ASPM: variants seen among roughly 807,000 people sequenced by gnomAD.
ASPM encodes the protein abnormal spindle-like microcephaly-associated protein.
Under a neutral mutation model 366.4 loss-of-function variants are expected in ASPM, and 256 were observed. The ratio of observed to expected loss-of-function variants is 0.70; its 90% CI spans 0.63 to 0.77. The LOEUF is 0.77. Ranked by LOEUF, ASPM falls within the 30% of genes least tolerant of loss-of-function variation. The probability of loss-of-function intolerance (pLI) is 0.00; values close to 1 mark genes in which losing one functional copy is unlikely to be tolerated. For missense variants in ASPM, 4,146 were observed against 4,090.4 expected (o/e 1.01, Z -0.37); for synonymous variants, 1,414 against 1,342.9 (o/e 1.05, Z -1.16).
chr1:197,131,863 A>G (rs1466386104), intron 7 of ASPM, among the ~76,000 whole-genome samples: 49 of 152,106 alleles, frequency 3.2e-4, no homozygotes, highest in Admixed American at 3.2e-3. Flanking sequence ...TGGCCAGGGC[A>G]AGTCACTTTA....
intron 13 of ASPM, 44 bp downstream of exon 13, chr1:197,124,066 T>G: frequency 1.3e-6 from 2 of 1,503,162 alleles, no homozygotes; most frequent in East Asian, 4.6e-5. Flanking sequence ...TCATCAAAAT[T>G]TATTAAAATA....
In ASPM at chr1:197,101,576, C is replaced by G. The variant is rs773936558; in HGVS notation, c.7675G>C (p.Val2559Leu). Reference sequence around the variant, plus strand: ...TACATTCTGTAGGTGCTTTGTATTACGATAGAAGCTTTGTGTTTTTCCCTT... The same window carrying G: ...TACATTCTGTAGGTGCTTTGTATTAGGATAGAAGCTTTGTGTTTTTCCCTT... ...LLREKHKASI[V>L]IQSTYRMYRQ... The change falls in exon 18 of 28, where the codon GTA becomes CTA. Residue 2559 changes from valine to leucine, a missense_variant. Val to Leu is a conservative substitution (Grantham distance 32). Around this residue, in one of 3 missense-constraint regions of ASPM, gnomAD observed 3,624 missense variants for 3,591.7 expected, o/e 1.01. Transcript: ENST00000367409. 1.2e-5 allele frequency: 19 copies of G among 1,609,568 alleles called. No individual in the cohort carries two copies. The highest frequency in any genetic ancestry group is 1.6e-5 in the Non-Finnish European group (19 of 1,178,940).
chr1:197,088,416 G>T lies in ASPM; in HGVS notation c.10001C>A (p.Ser3334Ter). Residue 3334 changes from serine (S) to a stop codon, truncating the protein, a stop_gained, in exon 26 of 28, where the codon TCA becomes TAA. Transcript: ENST00000367409. LOFTEE classifies it high-confidence loss of function. ...ACAATTTTCTACATCATAAACTGCT[G>T]AAGTAGTTTTCTCATACTTGAAGAG... ...LNVSKYEKTTSAVYDVENCID... is the reference protein window; with the variant it reads ...LNVSKYEKTT 1 of 1,602,890 alleles carries T rather than the reference G, an allele frequency of 6.2e-7. No individual in the cohort carries two copies. The highest frequency in any genetic ancestry group is 8.5e-7 in the Non-Finnish European group (1 of 1,171,616).
chr1:197,085,112 G>A (rs1489190652), intron 27 of ASPM, among the ~76,000 whole-genome samples: 1 of 152,084 alleles, frequency 6.6e-6, no homozygotes, highest in Non-Finnish European at 1.5e-5. Context: ...GCCATTAACT[G>A]TTGTCTCTCT....
chr1:197,102,651 G>A lies in ASPM; in HGVS notation c.6600C>T (p.Tyr2200=). The change falls in exon 18 of 28, where the codon TAC becomes TAT. Residue 2200 remains tyrosine, a synonymous_variant. Transcript: ENST00000367409. ...QTAATLIQSN[Y]RRYRQQTYFN... is the part of the protein sequence containing the mutation. Reference sequence around the variant, plus strand: ...AGTATGTTTGCTGTCTGTATCTTCTGTAGTTTGACTGAATGAGTGTTGCTG... The same window carrying A: ...AGTATGTTTGCTGTCTGTATCTTCTATAGTTTGACTGAATGAGTGTTGCTG... 1 of 1,612,566 alleles carries A rather than the reference G, an allele frequency of 6.2e-7. No individual in the cohort carries two copies.
At position 197,103,534 on chromosome 1, in the gene ASPM, G is replaced by A; in HGVS notation, c.5717C>T (p.Ser1906Phe). ...CTGGGCCTTGGCCATTCTAAAAGCA[G>A]ACTGAATCTTCAAGGCAGCTTGATG... ...REHQAALKIQ[S>F]AFRMAKAQKQ... Residue 1906 changes from serine (S) to phenylalanine (F), a missense_variant, in exon 18 of 28, where the codon TCT becomes TTT. Ser to Phe is a radical substitution (Grantham distance 155). Transcript: ENST00000367409. The A allele has an allele frequency of 6.2e-7, 1 of 1,613,158 alleles. No individual in the cohort carries two copies. Among genetic ancestry groups the A allele is most frequent in the Non-Finnish European group, 8.5e-7 (1 of 1,179,502 alleles).
Position 197,104,666 on chromosome 1 carries a change from T to C in ASPM, c.4585A>G (p.Ile1529Val). 6.2e-7 allele frequency: 1 copy of C among 1,613,194 alleles called. No homozygotes were observed. The highest frequency in any genetic ancestry group is 8.5e-7 in the Non-Finnish European group (1 of 1,179,470). The change falls in exon 18 of 28, where the codon ATT becomes GTT. Residue 1529 changes from isoleucine to valine, a missense_variant. Around this residue, in one of 3 missense-constraint regions of ASPM, gnomAD observed 3,624 missense variants for 3,591.7 expected, o/e 1.01. Transcript: ENST00000367409. ...TTCTGCAAATAGTTGGTGCGCTCAA[T>C]CTTTCCTTTCAGATATGCTTTGTAG... ...KYYKAYLKGKIERTNYLQKRA... is the reference protein window; with the variant it reads ...KYYKAYLKGKVERTNYLQKRA...
At chr1:197,123,317 C>T (rs1394759160) in intron 13 of ASPM, among the ~76,000 whole-genome samples, 1 of 152,120 alleles carries the variant, frequency 6.6e-6, no homozygotes, top group African/African-American at 2.4e-5. Context: ...ACAAAAAGAG[C>T]ACCACCTTGT....
At chr1:197,092,495 T>A (rs1228697889) in intron 21 of ASPM, among the ~76,000 whole-genome samples, 1 of 151,990 alleles carries the variant, frequency 6.6e-6, no homozygotes, top group Non-Finnish European at 1.5e-5. Flanking sequence ...GAAGGAGCTT[T>A]CTACAGTTGC....
Position 197,103,441 on chromosome 1 carries a change from C to G in ASPM, c.5810G>C (p.Gly1937Ala). 1.9e-6 allele frequency: 3 copies of G among 1,613,346 alleles called. No homozygotes were observed. Among genetic ancestry groups the G allele is most frequent in the Non-Finnish European group, 2.5e-6 (3 of 1,179,556 alleles). The part of the protein sequence containing the change: ...IQQNFRAWTA[G>A]RKQCMEYIEL... ...AATATACTCCATACATTGCTTCCTT[C>G]CTGCAGTCCATGCTCTGAAATTTTG... The change falls in exon 18 of 28, where the codon GGA (glycine) becomes GCA (alanine). Residue 1937 changes from glycine to alanine, a missense_variant. Coordinates refer to ENST00000367409, the MANE Select transcript of ASPM (RefSeq NM_018136.5).
chr1:197,137,083 G>T (rs1324516882), intron 4 of ASPM, among the ~76,000 whole-genome samples: 1 of 152,074 alleles, frequency 6.6e-6, no homozygotes, highest in Non-Finnish European at 1.5e-5. Context: ...ATTATTTTTA[G>T]ATATGGAATA....
Position 197,102,780 on chromosome 1 carries a change from T to C in ASPM, c.6471A>G (p.Lys2157=). The C allele has an allele frequency of 6.2e-7, 1 of 1,612,420 alleles. No homozygotes were observed. Among genetic ancestry groups the C allele is most frequent in the Non-Finnish European group, 8.5e-7 (1 of 1,179,172 alleles). Residue 2157 remains lysine, a synonymous_variant, in exon 18 of 28, where the codon AAA becomes AAG. Coordinates refer to ENST00000367409, the MANE Select transcript of ASPM (RefSeq NM_018136.5). ...TTGTCAGGTACTTTTCACGCTGCAT[T>C]TTACCTTGATAATATGCTCTACATC... ...QVRCRAYYQG[K]MQREKYLTIL... is the part of the protein sequence containing the mutation.
chr1:197,128,336 C>T (rs1449018240), intron 10 of ASPM, among the ~76,000 whole-genome samples, 154 bp downstream of exon 10: 1 of 99,510 alleles, frequency 1.0e-5, no homozygotes, highest in African/African-American at 2.8e-5. Flanking sequence ...TGATGTACCA[C>T]TTCCCTGAAA....
rs1658624282 is a variant in ASPM, at chr1:197,142,598, A to C, written c.1654T>G (p.Leu552Val). ...TTTTTATAACTCTTAGATTTACTTA[A>C]TATTGGATCTATAATTGGAAGATAA... ...HSYLPIIDPI[L>V]SKSKSYKNEV... Residue 552 changes from leucine to valine, a missense_variant, in exon 3 of 28, where the codon TTA becomes GTA. Leu to Val is a conservative substitution (Grantham distance 32, BLOSUM62 1). Transcript: ENST00000367409. 1 of 1,613,220 alleles carries C rather than the reference A, an allele frequency of 6.2e-7. No individual in the cohort carries two copies. Among genetic ancestry groups the C allele is most frequent in the Non-Finnish European group, 8.5e-7 (1 of 1,179,252 alleles).
chr1:197,145,172 GC>G (rs1293527873), intron 1 of ASPM, among the ~76,000 whole-genome samples: 10 of 152,106 alleles, frequency 6.6e-5, no homozygotes, highest in Non-Finnish European at 1.3e-4. Context: ...GTGGTTATTA[GC>G]CTACTAGTTC....
chr1:197,114,029 T>C (rs374367882), intron 17 of ASPM, among the ~76,000 whole-genome samples: 2 of 151,538 alleles, frequency 1.3e-5, no homozygotes, highest in African/African-American at 4.8e-5. Context: ...AACTCTTGGA[T>C]AGTTGAAATA....
At chr1:197,106,814 C>T (rs1657426672) in intron 17 of ASPM, among the ~76,000 whole-genome samples, 1 of 152,028 alleles carries the variant, frequency 6.6e-6, no homozygotes, top group Non-Finnish European at 1.5e-5. Flanking sequence ...ACTAATGTTA[C>T]AAAACTTTTT....
chr1:197,101,045 A>G lies in ASPM; in HGVS notation c.8206T>C (p.Leu2736=). Residue 2736 remains leucine (L), a synonymous_variant, in exon 18 of 28, where the codon TTA becomes CTA. Transcript: ENST00000367409. ...VRVKTERKNF[L]AVQKSVRTIQ... ...GTTCGTACAGATTTCTGAACTGCTA[A>G]AAAGTTTTTTCTTTCTGTTTTTACT... 6.2e-7 allele frequency: 1 copy of G among 1,611,676 alleles called. No individual in the cohort carries two copies. Among genetic ancestry groups the G allele is most frequent in the Non-Finnish European group, 8.5e-7 (1 of 1,178,880 alleles).
chr1:197,117,986 A>G lies in ASPM; in HGVS notation c.3871-3T>C. The G allele has an allele frequency of 6.2e-7, 1 of 1,612,216 alleles. No homozygotes were observed. The highest frequency in any genetic ancestry group is 8.5e-7 in the Non-Finnish European group (1 of 1,178,674). ...ATTCTTGCAGCTTTCTCTCTCTCCT[A>G]AAATAAAAAAGTCAGCAAATGTAAA... On this transcript the variant is annotated splice_region_variant and splice_polypyrimidine_tract_variant and intron_variant, in intron 16 of 27. Transcript: ENST00000367409.
Sources: gnomAD v4.1 joint callset for allele counts (sites outside exome capture counted in the v4.1 genomes callset) on GRCh38, gnomAD v4.1.1 for gene constraint, gnomAD v4.1.1 regional missense constraint, MANE v1.5 for transcripts, NCBI Gene and HGNC (gene_info 2026-07-23, HGNC 2026-07-21) for gene names.